The following INSL6 variants were observed in gnomAD, a reference collection of about 807,000 sequenced individuals.
INSL6 encodes the protein insulin-like peptide INSL6.
A neutral mutation model predicts 9.4 loss-of-function variants in INSL6; 16 were observed. That is an observed-to-expected ratio of 1.70 (90% CI 1.15 to 2.59). The LOEUF is 2.59. Ranked by LOEUF, INSL6 falls within the 30% of genes most tolerant of loss-of-function variation. The pLI, the probability that INSL6 is intolerant of heterozygous loss-of-function variation, is 0.00. For missense variants in INSL6, 391 were observed against 257.3 expected (o/e 1.52, Z -3.56); for synonymous variants, 154 against 96.9 (o/e 1.59, Z -3.46).
At chr9:5,111,684 G>T in the INSL6 span, 1 of 425,382 alleles carries the variant, frequency 2.4e-6, no homozygotes, top group Non-Finnish European at 4.7e-6. Context: ...GTGGGCAGTG[G>T]CGGAGGCAGC....
intron 2 of INSL6, among the ~76,000 whole-genome samples, chr9:5,151,979 G>A (rs1824722192): frequency 6.6e-6 from 1 of 152,170 alleles, no homozygotes; most frequent in Admixed American, 6.5e-5. Flanking sequence ...TTATAAGAAA[G>A]CTGGAATATT....
downstream of INSL6, among the ~76,000 whole-genome samples, chr9:5,161,445 A>C (rs1426799721): frequency 2.0e-5 from 3 of 152,228 alleles, no homozygotes; most frequent in African/African-American, 7.2e-5. Context: ...AATGAAAGCC[A>C]TATATGATAG....
At chr9:5,126,404 G>T (rs755123387) in intron 3 of INSL6, 1 of 1,610,884 alleles carries the variant, frequency 6.2e-7, no homozygotes, top group Admixed American at 1.7e-5. Flanking sequence ...AACTTTTGAA[G>T]AATAATGGAA....
chr9:5,081,917 T>C, the INSL6 span: 5 of 1,411,542 alleles, frequency 3.5e-6, no homozygotes. Context: ...AGGAAAAACT[T>C]AAGAGCGTTT....
intron 2 of INSL6, among the ~76,000 whole-genome samples, chr9:5,139,480 C>G (rs1255526873): frequency 6.6e-6 from 1 of 152,106 alleles, no homozygotes; most frequent in African/African-American, 2.4e-5. Context: ...ACTTTTGCCT[C>G]AGAGTATTGG....
At chr9:5,132,427 G>C (rs1824309032) in intron 3 of INSL6, among the ~76,000 whole-genome samples, 5 of 151,912 alleles carry the variant, frequency 3.3e-5, no homozygotes, top group Admixed American at 3.3e-4. Flanking sequence ...GTGAGAGTAT[G>C]GACAATACAA....
chr9:5,034,639 C>T, the INSL6 span, among the ~76,000 whole-genome samples: 1 of 151,984 alleles, frequency 6.6e-6, no homozygotes, highest in Non-Finnish European at 1.5e-5. Flanking sequence ...TGAATGACTA[C>T]TGGGTACATA....
chr9:5,153,912 G>A (rs562791342), intron 2 of INSL6, among the ~76,000 whole-genome samples: 1 of 152,318 alleles, frequency 6.6e-6, no homozygotes, highest in Admixed American at 6.5e-5. Context: ...GTAATTTATA[G>A]ATTCAATGCT....
the INSL6 span, among the ~76,000 whole-genome samples, chr9:5,072,102 T>C: frequency 2.0e-5 from 3 of 152,170 alleles, no homozygotes; most frequent in Non-Finnish European, 4.4e-5. Flanking sequence ...ATACAAGTGG[T>C]AATAAGAGAA....
the INSL6 span, among the ~76,000 whole-genome samples, chr9:5,069,504 AAAAATTTTCAT>A: frequency 2.0e-4 from 30 of 152,304 alleles, 1 homozygote; most frequent in South Asian, 6.0e-3. Context: ...TGTTTTAAGT[AAAAATTTTCAT>A]ATACTTCGAG....
At chr9:5,148,043 A>C (rs1226890772) in intron 2 of INSL6, among the ~76,000 whole-genome samples, 1 of 152,180 alleles carries the variant, frequency 6.6e-6, no homozygotes, top group East Asian at 1.9e-4. Context: ...GCCATTTCAG[A>C]CAATTCAGAC....
the INSL6 span, chr9:5,055,687 G>T: frequency 6.3e-7 from 1 of 1,578,326 alleles, no homozygotes; most frequent in South Asian, 1.1e-5. Flanking sequence ...GTTATATTGC[G>T]ATTTTCCTAA....
At chr9:5,047,132 T>C in the INSL6 span, among the ~76,000 whole-genome samples, 1 of 152,204 alleles carries the variant, frequency 6.6e-6, no homozygotes, top group African/African-American at 2.4e-5. Flanking sequence ...TTTTTACTTC[T>C]CTAAATTTGT....
At chr9:5,043,406 T>C in the INSL6 span, among the ~76,000 whole-genome samples, 1 of 151,244 alleles carries the variant, frequency 6.6e-6, no homozygotes, top group African/African-American at 2.4e-5. Flanking sequence ...GATGGGATAA[T>C]AATAGGTCTA....
the INSL6 span, among the ~76,000 whole-genome samples, chr9:5,045,640 G>A: frequency 4.6e-5 from 7 of 152,008 alleles, no homozygotes; most frequent in African/African-American, 1.2e-4. Context: ...CCTTTTCTAT[G>A]TACCTCATAC....
At chr9:5,012,037 C>T in the INSL6 span, among the ~76,000 whole-genome samples, 13,474 of 152,198 alleles carry the variant, frequency 0.089, 1,749 homozygotes, top group African/African-American at 0.29. Flanking sequence ...CCCTGGGCTT[C>T]GATTTTCATC....
intron 2 of INSL6, among the ~76,000 whole-genome samples, chr9:5,150,480 A>G (rs137942747): frequency 1.5e-3 from 230 of 152,298 alleles, no homozygotes; most frequent in South Asian, 8.3e-3. Context: ...AAAATGCTCA[A>G]CATCACTGAT....
chr9:5,141,962 T>C (rs1203376384), intron 2 of INSL6, among the ~76,000 whole-genome samples: 1 of 152,234 alleles, frequency 6.6e-6, no homozygotes, highest in African/African-American at 2.4e-5. Context: ...GGAGGATTTA[T>C]TGAATAGGTA....
chr9:5,025,854 A>C, the INSL6 span, among the ~76,000 whole-genome samples: 2 of 152,208 alleles, frequency 1.3e-5, no homozygotes, highest in Non-Finnish European at 2.9e-5. Flanking sequence ...GTTCTGTTGA[A>C]GTTTTAAATT....
Sources: gnomAD v4.1 joint callset for allele counts (sites outside exome capture counted in the v4.1 genomes callset) on GRCh38, gnomAD v4.1.1 for gene constraint, MANE v1.5 for transcripts, NCBI Gene and HGNC (gene_info 2026-07-23, HGNC 2026-07-21) for gene names.